The following SYT1 variants were observed in gnomAD, a reference collection of about 807,000 sequenced individuals.
SYT1 encodes the protein synaptotagmin 1, also known as synaptotagmin-1.
A neutral mutation model predicts 44.8 loss-of-function variants in SYT1; 8 were observed. The ratio of observed to expected loss-of-function variants is 0.18; its 90% CI spans 0.10 to 0.32. SYT1 has a LOEUF of 0.32. Among genes scored for constraint, SYT1 ranks in the 10% least tolerant of loss-of-function variants. The pLI is 1.00. For missense variants in SYT1, 286 were observed against 509.3 expected (o/e 0.56, Z 4.22); for synonymous variants, 154 against 188.8 (o/e 0.82, Z 1.51).
chr12:79,443,988 G>T, intron 9 of SYT1, 85 bp from the exon 10 acceptor site: 1 of 1,423,824 alleles, frequency 7.0e-7, no homozygotes, highest in South Asian at 1.3e-5. Context: ...ATTTACCTGT[G>T]GGAAATAGTT....
intron 2 of SYT1, among the ~76,000 whole-genome samples, chr12:79,007,863 T>C (rs1871189512): frequency 6.6e-6 from 1 of 151,942 alleles, no homozygotes; most frequent in Non-Finnish European, 1.5e-5. Flanking sequence ...TGCATGTGGA[T>C]AAAAAGTATG....
chr12:78,949,683 A>G (rs1237109750), intron 1 of SYT1, among the ~76,000 whole-genome samples: 2 of 152,076 alleles, frequency 1.3e-5, no homozygotes, highest in Non-Finnish European at 2.9e-5. Context: ...GGCAAGTAAC[A>G]AAATTTATTT....
chr12:78,954,297 C>T (rs1879108031), intron 1 of SYT1, among the ~76,000 whole-genome samples: 1 of 152,126 alleles, frequency 6.6e-6, no homozygotes, highest in Non-Finnish European at 1.5e-5. Context: ...CTGCAAATTA[C>T]AGCCTCACAA....
chr12:79,100,835 G>A (rs552497684), intron 3 of SYT1, among the ~76,000 whole-genome samples: 1 of 151,892 alleles, frequency 6.6e-6, no homozygotes, highest in Non-Finnish European at 1.5e-5. Flanking sequence ...TATAATAACT[G>A]TTTTTTAAAA....
At chr12:79,240,761 T>C (rs1477219183) in intron 4 of SYT1, among the ~76,000 whole-genome samples, 1 of 152,228 alleles carries the variant, frequency 6.6e-6, no homozygotes, top group Non-Finnish European at 1.5e-5. Flanking sequence ...GGATTGGTTA[T>C]TAGAAATTGC....
intron 8 of SYT1, among the ~76,000 whole-genome samples, chr12:79,314,386 A>AGT (rs142348265): frequency 0.011 from 1,620 of 152,180 alleles, 31 homozygotes; most frequent in African/African-American, 0.037. Context: ...CATGTGCGAG[A>AGT]GTCTGTGGGA....
intron 3 of SYT1, among the ~76,000 whole-genome samples, chr12:79,164,148 G>A (rs1871111581): frequency 6.6e-6 from 1 of 152,002 alleles, no homozygotes; most frequent in African/African-American, 2.4e-5. Context: ...TATTATCGTA[G>A]GGACAACATC....
Position 79,291,988 on chromosome 12 carries a change from G to C in SYT1, c.352-20G>C, listed in dbSNP as rs1879609983. Reference sequence around the variant, plus strand: ...GATGAAAACTCTGAAATTCACATGTGATCCTTTCTCTATACATAGGCCCTC... The same window carrying C: ...GATGAAAACTCTGAAATTCACATGTCATCCTTTCTCTATACATAGGCCCTC... On this transcript the variant is annotated intron_variant, in intron 5 of 10. Transcript: ENST00000261205. The C allele has an allele frequency of 1.2e-6, 2 of 1,612,696 alleles. No individual in the cohort carries two copies. The highest frequency in any genetic ancestry group is 8.5e-7 in the Non-Finnish European group (1 of 1,179,700).
At chr12:78,887,743 A>T (rs1234731775) in intron 1 of SYT1, among the ~76,000 whole-genome samples, 1 of 151,960 alleles carries the variant, frequency 6.6e-6, no homozygotes, top group Admixed American at 6.6e-5. Flanking sequence ...TATATCATAA[A>T]GTTACTATTC....
At chr12:79,361,600 G>A (rs1219125146) in intron 9 of SYT1, among the ~76,000 whole-genome samples, 2 of 152,168 alleles carry the variant, frequency 1.3e-5, no homozygotes, top group Non-Finnish European at 2.9e-5. Flanking sequence ...GACAGCAAAG[G>A]TGAGATCAAC....
At position 79,107,592 on chromosome 12, in the gene SYT1, T is replaced by C. The variant is rs541214423; in HGVS notation, c.-18+60230T>C. Among the ~76,000 whole-genome samples the C allele has an allele frequency of 1.6e-4, 25 of 152,168 alleles. 1 individual carries two copies. In the South Asian group the frequency reaches 4.1e-3, roughly 25 times the overall value. On this transcript the variant is annotated intron_variant, in intron 3 of 10. Coordinates refer to ENST00000261205, the MANE Select transcript of SYT1 (RefSeq NM_005639.3). ...TTAAAACCAAAATATAGCATACTTATTCTCTCCATTATTTTGGAATAAGAA... is the reference window on the plus strand; with the variant it reads ...TTAAAACCAAAATATAGCATACTTACTCTCTCCATTATTTTGGAATAAGAA...
At chr12:79,347,916 G>A (rs1332200314) in intron 8 of SYT1, among the ~76,000 whole-genome samples, 19 of 152,042 alleles carry the variant, frequency 1.2e-4, no homozygotes, top group Admixed American at 6.6e-5. Context: ...CCCTAAAGAG[G>A]TAACATGCAA....
chr12:79,185,019 G>A (rs1399182293), intron 3 of SYT1, among the ~76,000 whole-genome samples: 3 of 152,056 alleles, frequency 2.0e-5, no homozygotes, highest in African/African-American at 7.2e-5. Context: ...TTAGCAAACA[G>A]AAATGTCACC....
chr12:79,289,002 G>A (rs905211298), intron 5 of SYT1, among the ~76,000 whole-genome samples: 15 of 152,020 alleles, frequency 9.9e-5, no homozygotes, highest in Admixed American at 1.3e-4. Flanking sequence ...TTTTAAACAC[G>A]CTAACAGATT....
At chr12:79,293,354 A>C (rs1222502411) in intron 6 of SYT1, among the ~76,000 whole-genome samples, 2 of 95,348 alleles carry the variant, frequency 2.1e-5, no homozygotes, top group Non-Finnish European at 3.8e-5. Context: ...ATAAAATAAA[A>C]TAAAATAAAA....
intron 8 of SYT1, among the ~76,000 whole-genome samples, chr12:79,324,022 C>G (rs111398818): frequency 6.8e-6 from 1 of 146,976 alleles, no homozygotes; most frequent in Admixed American, 6.9e-5. Flanking sequence ...GCAATCTCAG[C>G]TCACTACCAC....
chr12:79,187,037 G>C (rs1279484928), intron 3 of SYT1, among the ~76,000 whole-genome samples: 1 of 151,998 alleles, frequency 6.6e-6, no homozygotes, highest in Non-Finnish European at 1.5e-5. Context: ...ATATAAGAAA[G>C]ACAGTCCCCT....
chr12:79,308,652 G>GAAA (rs199883347), intron 8 of SYT1, among the ~76,000 whole-genome samples: 1 of 108,810 alleles, frequency 9.2e-6, no homozygotes, highest in African/African-American at 3.6e-5. Flanking sequence ...AAGAAAGAAA[G>GAAA]AAAGAAAAGA....
intron 1 of SYT1, among the ~76,000 whole-genome samples, chr12:78,966,444 T>C (rs1879779290): frequency 8.5e-5 from 13 of 152,184 alleles, no homozygotes; most frequent in Admixed American, 8.5e-4. Flanking sequence ...ACACTGACTT[T>C]AGACAGACAA....
Sources: gnomAD v4.1 joint callset for allele counts (sites outside exome capture counted in the v4.1 genomes callset) on GRCh38, gnomAD v4.1.1 for gene constraint, MANE v1.5 for transcripts, NCBI Gene and HGNC (gene_info 2026-07-23, HGNC 2026-07-21) for gene names.